The following MLLT10 variants were observed in gnomAD, a reference collection of about 807,000 sequenced individuals.
MLLT10 encodes protein AF-10.
In MLLT10, 30 loss-of-function variants were observed where a neutral mutation model predicts 129.1. The observed-to-expected ratio is 0.23, with a 90% CI of 0.17 to 0.32. MLLT10 has a LOEUF of 0.32. Ranked by LOEUF, MLLT10 falls within the 10% of genes least tolerant of loss-of-function variation. The pLI is 1.00. For synonymous variants in MLLT10, 490 were observed against 446.4 expected (o/e 1.10, Z -1.23); for missense variants, 1,119 against 1,268.3 (o/e 0.88, Z 1.79).
intron 13 of MLLT10, chr10:21,708,585 C>G: frequency 1.0e-6 from 1 of 984,778 alleles, no homozygotes; most frequent in Non-Finnish European, 1.2e-6. Context: ...TTTTTTTTAC[C>G]AGTAAACTGA....
intron 9 of MLLT10, among the ~76,000 whole-genome samples, chr10:21,657,862 G>A (rs2049768962): frequency 6.6e-6 from 1 of 152,004 alleles, no homozygotes; most frequent in Non-Finnish European, 1.5e-5. Context: ...GGTAAAATAA[G>A]TTAATTTTTA....
intron 4 of MLLT10, among the ~76,000 whole-genome samples, chr10:21,590,796 C>G (rs897536122): frequency 2.6e-5 from 4 of 151,924 alleles, no homozygotes; most frequent in Non-Finnish European, 5.9e-5. Context: ...GTTTTATTGA[C>G]CTTTTTAAAG....
At chr10:21,740,411 A>G (rs2058729489) in intron 22 of MLLT10, among the ~76,000 whole-genome samples, 175 bp downstream of exon 22, 2 of 152,206 alleles carry the variant, frequency 1.3e-5, no homozygotes, top group Non-Finnish European at 1.5e-5. Flanking sequence ...TCCCCTAAGT[A>G]TATCAGTTTG....
At chr10:21,716,114 A>G (rs186279217) in intron 14 of MLLT10, among the ~76,000 whole-genome samples, 1 of 152,370 alleles carries the variant, frequency 6.6e-6, no homozygotes, top group African/African-American at 2.4e-5. Context: ...AATGTGAAAA[A>G]TGTGAAATTT....
At chr10:21,720,253 G>T (rs1435389089) in intron 14 of MLLT10, among the ~76,000 whole-genome samples, 1 of 152,214 alleles carries the variant, frequency 6.6e-6, no homozygotes, top group African/African-American at 2.4e-5. Flanking sequence ...TTAGGGAGCA[G>T]TTTGGAGCAT....
At chr10:21,726,094 C>G in intron 14 of MLLT10, 150 bp from the exon 15 acceptor site, 3 of 579,148 alleles carry the variant, frequency 5.2e-6, no homozygotes, top group Non-Finnish European at 8.9e-6. Flanking sequence ...AATGGTAAAA[C>G]AAGTAAGAAC....
chr10:21,742,418 T>C lies in MLLT10; in HGVS notation c.*435T>C, dbSNP rs1298182551. ...ATATGCTCTTTTGTTTGGGTTACAG[T>C]ATGCTTGCTCTAAGTCAAATTCCAA... On this transcript the variant is annotated 3_prime_UTR_variant, in exon 23 of 23. Coordinates refer to ENST00000307729, the MANE Select transcript of MLLT10 (RefSeq NM_001195626.3). 4.5e-6 allele frequency: 1 copy of C among 222,724 alleles called. No individual in the cohort carries two copies. Among genetic ancestry groups the C allele is most frequent in the Non-Finnish European group, 8.9e-6 (1 of 111,848 alleles). 13.8% of individuals were successfully genotyped at this position (222,724 alleles called of 1,614,324 possible).
intron 8 of MLLT10, among the ~76,000 whole-genome samples, chr10:21,643,549 T>C (rs1419446722): frequency 6.6e-6 from 1 of 152,248 alleles, no homozygotes; most frequent in East Asian, 1.9e-4. Context: ...TCTTAGGACT[T>C]GTGTTCTCTG....
At chr10:21,737,760 G>C (rs552368847) in intron 21 of MLLT10, among the ~76,000 whole-genome samples, 1 of 152,192 alleles carries the variant, frequency 6.6e-6, no homozygotes, top group Non-Finnish European at 1.5e-5. Context: ...GCTTCCTCCA[G>C]ACCCATTTCC....
chr10:21,716,929 T>C (rs531378335), intron 14 of MLLT10, among the ~76,000 whole-genome samples: 1 of 152,020 alleles, frequency 6.6e-6, no homozygotes, highest in South Asian at 2.1e-4. Context: ...TTTAAGTAAA[T>C]AGACCTCTAC....
intron 6 of MLLT10, among the ~76,000 whole-genome samples, chr10:21,613,192 CAA>C (rs993493277): frequency 5.3e-4 from 13 of 24,640 alleles, no homozygotes; most frequent in South Asian, 1.4e-3. Context: ...GACTCTGTCT[CAA>C]AAAAAAAAAA....
At chr10:21,583,770 C>T (rs2041704326) in intron 3 of MLLT10, among the ~76,000 whole-genome samples, 1 of 152,196 alleles carries the variant, frequency 6.6e-6, no homozygotes, top group Non-Finnish European at 1.5e-5. Context: ...GATCTGCCCC[C>T]ATTACCCAAA....
At position 21,624,623 on chromosome 10, in the gene MLLT10, A is replaced by T. The variant is rs2046243395; in HGVS notation, c.699+7416A>T. ...CTGTTGCCCATAAGTATCCTGATAA[A>T]ATTCCTGGTTGTCATTATTGTAACC... On this transcript the variant is annotated intron_variant, in intron 8 of 22. Coordinates refer to ENST00000307729, the MANE Select transcript of MLLT10 (RefSeq NM_001195626.3). The T allele has an allele frequency of 2.8e-6, 4 of 1,431,856 alleles. No homozygotes were observed. In the Admixed American group the frequency reaches 8.7e-5, roughly 31 times the overall value. The allele number at this position is 1,431,856 out of a possible 1,614,324, so 88.7% of individuals were successfully genotyped here. A position where few individuals can be genotyped will look rare whatever the true frequency, so the allele number is the denominator to read the frequency against.
intron 4 of MLLT10, among the ~76,000 whole-genome samples, chr10:21,586,863 C>A (rs540440741): frequency 2.0e-5 from 3 of 149,410 alleles, no homozygotes; most frequent in Non-Finnish European, 4.4e-5. Context: ...CATTAGCCTG[C>A]GTGACAGAAG....
intron 8 of MLLT10, among the ~76,000 whole-genome samples, chr10:21,620,192 T>G (rs2045671360): frequency 6.6e-6 from 1 of 152,192 alleles, no homozygotes; most frequent in South Asian, 2.1e-4. Context: ...CCTCCCAAAG[T>G]GCTGGGATTA....
At chr10:21,687,857 A>G (rs2053457634) in intron 13 of MLLT10, among the ~76,000 whole-genome samples, 1 of 152,222 alleles carries the variant, frequency 6.6e-6, no homozygotes, top group South Asian at 2.1e-4. Context: ...ACATGATGAA[A>G]TAGTATGAAA....
intron 14 of MLLT10, among the ~76,000 whole-genome samples, chr10:21,724,996 A>AT (rs1189628587): frequency 2.0e-5 from 3 of 152,232 alleles, no homozygotes; most frequent in Non-Finnish European, 4.4e-5. Flanking sequence ...CAAAGCTGTG[A>AT]TTCGTTGAGT....
intron 4 of MLLT10, among the ~76,000 whole-genome samples, chr10:21,587,423 CAAAAAAAAAAAAAAAA>C (rs35976402): frequency 1.7e-4 from 7 of 42,326 alleles, no homozygotes; most frequent in African/African-American, 6.7e-4. Flanking sequence ...GACCCTGCCT[CAAAAAAAAAAAAAAAA>C]AAAAAAAAGC....
chr10:21,605,039 C>T (rs531067737), intron 5 of MLLT10, among the ~76,000 whole-genome samples: 1 of 150,096 alleles, frequency 6.7e-6, no homozygotes, highest in Admixed American at 6.7e-5. Context: ...CACCTGTGAA[C>T]AGCCACTTCA....
Sources: allele counts gnomAD v4.1 joint callset (sites outside exome capture counted in the v4.1 genomes callset), GRCh38; gene constraint gnomAD v4.1.1; transcripts MANE v1.5; gene names NCBI Gene and HGNC (gene_info 2026-07-23, HGNC 2026-07-21).